NRG1: variants seen among roughly 807,000 people sequenced by gnomAD.
NRG1 encodes pro-neuregulin-1, membrane-bound isoform.
Under a neutral mutation model 63.8 loss-of-function variants are expected in NRG1, and 18 were observed. The ratio of observed to expected loss-of-function variants is 0.28; its 90% confidence interval spans 0.19 to 0.42. NRG1 has a LOEUF of 0.42. Ranked by LOEUF, NRG1 falls within the 10% of genes least tolerant of loss-of-function variation. NRG1 has a pLI of 1.00. For synonymous variants in NRG1, 302 were observed against 301.3 expected (o/e 1.00, Z -0.02); for missense variants, 762 against 814.7 (o/e 0.94, Z 0.79).
chr8:31,734,072 G>A (rs1405859308), intron 1 of NRG1, among the ~76,000 whole-genome samples: 1 of 152,124 alleles, frequency 6.6e-6, no homozygotes, highest in Non-Finnish European at 1.5e-5. Context: ...CCTGGGCAGT[G>A]GCTCATGCAT....
chr8:32,274,863 A>T (rs2129472718), intron 1 of NRG1, among the ~76,000 whole-genome samples: 1 of 152,186 alleles, frequency 6.6e-6, no homozygotes, highest in Non-Finnish European at 1.5e-5. Context: ...CTCTCTGGGA[A>T]AAAAAAATCC....
intron 1 of NRG1, among the ~76,000 whole-genome samples, chr8:32,446,999 T>TTTTATTTATTTATTTATTTATTTA (rs67102016): frequency 2.7e-5 from 4 of 146,344 alleles, no homozygotes; most frequent in East Asian, 2.0e-4. Flanking sequence ...CTAAAATACT[T>TTTTATTTATTTATTTATTTATTTA]TTTATTTATT....
At chr8:32,260,132 G>C (rs1241616239) in intron 1 of NRG1, among the ~76,000 whole-genome samples, 1 of 152,096 alleles carries the variant, frequency 6.6e-6, no homozygotes, top group Non-Finnish European at 1.5e-5. Context: ...TCAAATGCCT[G>C]AACTTGCTCA....
At chr8:32,192,553 C>T (rs10094082) in intron 1 of NRG1, among the ~76,000 whole-genome samples, 70,588 of 151,524 alleles carry the variant, frequency 0.47, 18,040 homozygotes, top group Admixed American at 0.58. Context: ...TACCCATGGA[C>T]GTAAAGATGG....
intron 1 of NRG1, among the ~76,000 whole-genome samples, chr8:32,203,232 G>A (rs1292529670): frequency 2.0e-5 from 3 of 148,754 alleles, no homozygotes; most frequent in African/African-American, 7.4e-5. Flanking sequence ...ATGGAGGTAA[G>A]GGAAAGTGTG....
chr8:31,880,977 G>A (rs1830304906), intron 1 of NRG1, among the ~76,000 whole-genome samples: 2 of 152,126 alleles, frequency 1.3e-5, no homozygotes, highest in Admixed American at 6.5e-5. Flanking sequence ...GTTGATAGAA[G>A]GGATAGAGTA....
intron 1 of NRG1, among the ~76,000 whole-genome samples, chr8:31,920,500 G>T (rs995736006): frequency 1.3e-5 from 2 of 152,114 alleles, no homozygotes; most frequent in Non-Finnish European, 2.9e-5. Flanking sequence ...GCCAAAAGTT[G>T]TGATGTGACT....
chr8:32,388,038 A>G (rs1198374631), intron 1 of NRG1, among the ~76,000 whole-genome samples: 1 of 152,208 alleles, frequency 6.6e-6, no homozygotes, highest in Non-Finnish European at 1.5e-5. Flanking sequence ...GTGACCTGAA[A>G]GCCAGGTTCA....
In NRG1 at chr8:32,607,642, G is replaced by GA. The variant is rs201885619; in HGVS notation, c.400+1964dup. On this transcript the variant is annotated intron_variant, in intron 3 of 11. Coordinates refer to ENST00000356819, the Ensembl canonical transcript of NRG1. ...ATGGCTTTTTACATTTCTTACATAG[G>GA]AAAAACAGCTAATTCATTTTTTCCA... 6.9e-3 allele frequency among the ~76,000 whole-genome samples: 1,055 copies of GA among 152,134 alleles called. 13 individuals carry two copies. The highest frequency in any genetic ancestry group is 0.024 in the African/African-American group (985 of 41,526).
At chr8:32,640,287 A>G (rs1385407716) in intron 5 of NRG1, among the ~76,000 whole-genome samples, 1 of 147,514 alleles carries the variant, frequency 6.8e-6, no homozygotes, top group African/African-American at 2.5e-5. Context: ...ACGCACACAC[A>G]CCACACAGTA....
exon 8 of NRG1, chr8:32,754,419 T>G: frequency 6.2e-7 from 1 of 1,613,950 alleles, no homozygotes; most frequent in Non-Finnish European, 8.5e-7. Flanking sequence ...AACCGGCATC[T>G]GCATCGCCCT....
At chr8:32,335,902 C>T (rs1371994882) in intron 1 of NRG1, among the ~76,000 whole-genome samples, 1 of 152,038 alleles carries the variant, frequency 6.6e-6, no homozygotes, top group African/African-American at 2.4e-5. Flanking sequence ...AACTACAAAG[C>T]CAGGAAGACA....
At chr8:31,794,109 T>C (rs150509015) in intron 1 of NRG1, among the ~76,000 whole-genome samples, 2 of 152,314 alleles carry the variant, frequency 1.3e-5, no homozygotes, top group African/African-American at 2.4e-5. Context: ...GAATCTTCAG[T>C]GATTTCACAG....
At chr8:32,704,131 T>C (rs1815700380) in intron 5 of NRG1, among the ~76,000 whole-genome samples, 1 of 152,248 alleles carries the variant, frequency 6.6e-6, no homozygotes, top group Admixed American at 6.5e-5. Flanking sequence ...GAATGATATA[T>C]GCAAGGTGTG....
intron 1 of NRG1, among the ~76,000 whole-genome samples, chr8:32,480,377 T>C (rs1481476861): frequency 1.3e-5 from 2 of 151,172 alleles, no homozygotes; most frequent in Non-Finnish European, 2.9e-5. Flanking sequence ...TTCAGTGATC[T>C]ATTGCACAGC....
At chr8:32,581,512 A>G (rs1432793096) in intron 1 of NRG1, among the ~76,000 whole-genome samples, 4 of 152,210 alleles carry the variant, frequency 2.6e-5, no homozygotes, top group African/African-American at 9.7e-5. Flanking sequence ...GCACTGTGCT[A>G]GTTATTAGGA....
intron 1 of NRG1, among the ~76,000 whole-genome samples, chr8:32,088,833 A>G (rs1055082752): frequency 6.6e-6 from 1 of 152,118 alleles, no homozygotes; most frequent in Non-Finnish European, 1.5e-5. Flanking sequence ...CATCACGTTT[A>G]GCCTCTCAGT....
intron 1 of NRG1, among the ~76,000 whole-genome samples, chr8:31,676,270 C>T (rs1807687864): frequency 6.6e-6 from 1 of 152,072 alleles, no homozygotes; most frequent in African/African-American, 2.4e-5. Flanking sequence ...CCTGGGGTCC[C>T]AAGGAGACTT....
chr8:32,166,288 T>C (rs117562115), intron 1 of NRG1, among the ~76,000 whole-genome samples: 43 of 152,252 alleles, frequency 2.8e-4, no homozygotes, highest in Middle Eastern at 3.4e-3. Context: ...TTGTGTAAAG[T>C]GCTCAGCTCA....
Sources: gnomAD v4.1 joint callset for allele counts (sites outside exome capture counted in the v4.1 genomes callset) on GRCh38, gnomAD v4.1.1 for gene constraint, MANE v1.5 for transcripts, NCBI Gene and HGNC (gene_info 2026-07-23, HGNC 2026-07-21) for gene names.